The following FAM98B variants were observed in gnomAD, a reference collection of about 807,000 sequenced individuals.
FAM98B encodes the protein tRNA-splicing ligase complex subunit FAM98B.
Under a neutral mutation model 43.9 loss-of-function variants are expected in FAM98B, and 32 were observed. The ratio of observed to expected loss-of-function variants is 0.73; its 90% CI spans 0.55 to 0.98. The LOEUF (loss-of-function observed/expected upper bound fraction) is 0.98. Ranked by LOEUF, FAM98B falls within the 50% of genes least tolerant of loss-of-function variation. FAM98B has a pLI of 0.00. For synonymous variants in FAM98B, 190 were observed against 174.0 expected, an observed-to-expected ratio of 1.09 and a Z score of -0.72; for missense variants, 514 against 522.9, an observed-to-expected ratio of 0.98 and a Z score of 0.17.
Position 38,484,922 on chromosome 15 carries a change from AT to A in FAM98B, c.*269del, listed in dbSNP as rs1890347167. 1 of 379,200 alleles carries A rather than the reference AT, an allele frequency of 2.6e-6. No individual in the cohort carries two copies. The highest frequency in any genetic ancestry group is 5.0e-5 in the East Asian group (1 of 19,910). The allele number at this position is 379,200 out of a possible 1,614,324, so 23.5% of individuals were successfully genotyped here. On this transcript the variant is annotated 3_prime_UTR_variant, in exon 8 of 8. Coordinates refer to ENST00000397609, the MANE Select transcript of FAM98B (RefSeq NM_173611.4). ...AAAAACAAAAAAAAGAACAAAAATT[AT>A]TTTTTAAAATGTAAATATTTATTAC... is the stretch of plus-strand genomic sequence containing the variant.
chr15:38,476,036 A>G (rs1370713772), intron 6 of FAM98B, among the ~76,000 whole-genome samples: 1 of 151,808 alleles, frequency 6.6e-6, no homozygotes. Flanking sequence ...CTCTTTATTT[A>G]CCCCTTGTTC....
intron 3 of FAM98B, among the ~76,000 whole-genome samples, chr15:38,468,419 G>T (rs7170000): frequency 0.26 from 39,463 of 151,828 alleles, 5,494 homozygotes; most frequent in East Asian, 0.53. Context: ...GTAAAGATGG[G>T]TCTGTGTTGC....
intron 1 of FAM98B, among the ~76,000 whole-genome samples, chr15:38,461,455 G>A (rs555178968): frequency 1.3e-5 from 2 of 152,174 alleles, no homozygotes; most frequent in Non-Finnish European, 2.9e-5. Context: ...TGGGTTAAAC[G>A]TGGATTTAAA....
At chr15:38,466,273 GA>G (rs994652468) in intron 3 of FAM98B, among the ~76,000 whole-genome samples, 1 of 151,564 alleles carries the variant, frequency 6.6e-6, no homozygotes, top group African/African-American at 2.4e-5. Flanking sequence ...GTTGAGTGGG[GA>G]TAAAAATTAT....
chr15:38,469,919 C>T (rs192603381), intron 3 of FAM98B, among the ~76,000 whole-genome samples: 13 of 151,984 alleles, frequency 8.6e-5, no homozygotes, highest in African/African-American at 2.7e-4. Flanking sequence ...AGGGCTCCTC[C>T]GGTGTGAAAA....
chr15:38,481,722 C>T, intron 7 of FAM98B: 1 of 1,060,438 alleles, frequency 9.4e-7, no homozygotes, highest in Non-Finnish European at 1.3e-6. Context: ...AATTATGTTC[C>T]ATCTTTCTAA....
Position 38,459,101 on chromosome 15 carries a change from C to T in FAM98B, c.71+4869C>T, listed in dbSNP as rs1889903534. On this transcript the variant is annotated intron_variant, in intron 1 of 7. Coordinates refer to ENST00000397609, the MANE Select transcript of FAM98B (RefSeq NM_173611.4). The stretch of plus-strand genomic sequence containing the variant: ...AGGGAACACATTCAAAGAGTTCTCT[C>T]ATTCGTCTCTTTCCACGTGAGCTCT... The T allele has an allele frequency of 2.0e-5, 7 of 343,104 alleles. No homozygotes were observed. In the Admixed American group the frequency reaches 2.1e-4, roughly 10 times the overall value. The allele number at this position is 343,104 out of a possible 1,614,324, so 21.3% of individuals were successfully genotyped here. A position where few individuals can be genotyped will look rare whatever the true frequency, so the allele number is the denominator to read the frequency against.
chr15:38,476,608 A>G (rs991091104), intron 6 of FAM98B, among the ~76,000 whole-genome samples: 9 of 150,744 alleles, frequency 6.0e-5, no homozygotes, highest in African/African-American at 2.2e-4. Flanking sequence ...TGTTTCTGCA[A>G]TTATTTTTTA....
At position 38,484,626 on chromosome 15, in the gene FAM98B, T is replaced by A. The variant is rs769085400; in HGVS notation, c.1269T>A (p.Gly423=). ...PYGGGGGGGG[G]GGGGGGYRRY ...GAGGAGGTGGTGGTGGTGGTGGTGG[T>A]GGTGGTGGAGGAGGTGGATATAGAA... The change falls in exon 8 of 8, where the codon GGT becomes GGA. Residue 423 remains glycine, a synonymous_variant. Coordinates refer to ENST00000397609, the MANE Select transcript of FAM98B (RefSeq NM_173611.4). 64 of 1,072,030 alleles carry A rather than the reference T, an allele frequency of 6.0e-5. No individual in the cohort carries two copies. The highest frequency in any genetic ancestry group is 9.0e-5 in the South Asian group (6 of 66,714). The allele number at this position is 1,072,030 out of a possible 1,614,324, so 66.4% of individuals were successfully genotyped here. A position where few individuals can be genotyped will look rare whatever the true frequency, so the allele number is the denominator to read the frequency against.
chr15:38,484,458 AGGT>A lies in FAM98B; in HGVS notation c.1107_1109del (p.Gly375del). 3.3e-6 allele frequency: 1 copy of A among 302,530 alleles called. No homozygotes were observed. The highest frequency in any genetic ancestry group is 3.8e-6 in the Non-Finnish European group (1 of 264,480). 18.7% of individuals were successfully genotyped at this position (302,530 alleles called of 1,614,324 possible). On this transcript the variant is annotated inframe_deletion, in exon 8 of 8. Transcript: ENST00000397609. ...GGGGGGGTGGAGGAGGAGGTTGGGG[AGGT>A]GGTGGGGGAGGGGGAGGAGGGTGGG...
intron 1 of FAM98B, 110 bp downstream of exon 1, chr15:38,454,342 C>A: frequency 1.8e-6 from 2 of 1,111,338 alleles, no homozygotes; most frequent in Non-Finnish European, 2.6e-6. Context: ...ATGTGTAGGC[C>A]TCCTTCCCTG....
intron 1 of FAM98B, chr15:38,458,996 G>T: frequency 2.7e-6 from 1 of 366,028 alleles, no homozygotes. Context: ...CAGGACTCAT[G>T]GAATAGGTGA....
At chr15:38,473,960 G>A (rs1566899956) in intron 5 of FAM98B, among the ~76,000 whole-genome samples, 1 of 152,078 alleles carries the variant, frequency 6.6e-6, no homozygotes. Flanking sequence ...ACCAACGGGT[G>A]GAGTTTAATT....
In FAM98B at chr15:38,471,926, A is replaced by G. The variant is rs116548964; in HGVS notation, c.531+1521A>G. On this transcript the variant is annotated intron_variant, in intron 4 of 7. Coordinates refer to ENST00000397609, the MANE Select transcript of FAM98B (RefSeq NM_173611.4). ...CCATGTGAGGTGGTTATAAATGTTT[A>G]CATGTAATAACTCAGTTCTCGCATC... is the stretch of plus-strand genomic sequence containing the variant. 5.5e-3 allele frequency among the ~76,000 whole-genome samples: 835 copies of G among 152,302 alleles called. 6 individuals carry two copies. Among genetic ancestry groups the G allele is most frequent in the African/African-American group, 0.018 (743 of 41,584 alleles).
At chr15:38,474,042 T>C in intron 5 of FAM98B, 140 bp from the exon 6 acceptor site, 1 of 602,420 alleles carries the variant, frequency 1.7e-6, no homozygotes, top group Non-Finnish European at 3.0e-6. Flanking sequence ...TAATTTACCA[T>C]AAAGTCTCAT....
chr15:38,468,477 C>T (rs1237751962), intron 3 of FAM98B, among the ~76,000 whole-genome samples: 1 of 152,166 alleles, frequency 6.6e-6, no homozygotes, highest in African/African-American at 2.4e-5. Flanking sequence ...CCTACCTTAG[C>T]CTCCCAAAAT....
At chr15:38,464,696 C>T (rs985916952) in intron 2 of FAM98B, among the ~76,000 whole-genome samples, 4 of 152,100 alleles carry the variant, frequency 2.6e-5, no homozygotes, top group Non-Finnish European at 5.9e-5. Flanking sequence ...GGTAGAATTT[C>T]GGATATTAAT....
At chr15:38,466,872 A>ACACTCTC (rs1491325090) in intron 3 of FAM98B, among the ~76,000 whole-genome samples, 7 of 152,114 alleles carry the variant, frequency 4.6e-5, no homozygotes, top group Non-Finnish European at 1.0e-4. Context: ...CATACACACA[A>ACACTCTC]CACTCTCACA....
At chr15:38,474,075 G>A (rs1566899977) in intron 5 of FAM98B, 107 bp from the exon 6 acceptor site, 11 of 706,988 alleles carry the variant, frequency 1.6e-5, no homozygotes, top group East Asian at 1.3e-4. Flanking sequence ...TGGTCAGTAA[G>A]TACATCTTTT....
Sources: gnomAD v4.1 joint callset for allele counts (sites outside exome capture counted in the v4.1 genomes callset) on GRCh38, gnomAD v4.1.1 for gene constraint, MANE v1.5 for transcripts, NCBI Gene and HGNC (gene_info 2026-07-23, HGNC 2026-07-21) for gene names.